WNT3: variants seen among roughly 807,000 people sequenced by gnomAD.
WNT3 encodes Wnt family member 3.
A neutral mutation model predicts 34.2 loss-of-function variants in WNT3; 7 were observed. The ratio of observed to expected loss-of-function variants is 0.20; its 90% confidence interval spans 0.12 to 0.38. WNT3 has a LOEUF of 0.38. Ranked by LOEUF, WNT3 falls within the 10% of genes least tolerant of loss-of-function variation. WNT3 has a pLI of 1.00. For synonymous variants in WNT3, 212 were observed against 211.5 expected (o/e 1.00, Z -0.02); for missense variants, 267 against 499.8 (o/e 0.53, Z 4.44).
At chr17:46,779,103 A>ACACACACACACACACACCCCCC (rs749719578) in intron 1 of WNT3, among the ~76,000 whole-genome samples, 10 of 133,588 alleles carry the variant, frequency 7.5e-5, no homozygotes, top group East Asian at 5.1e-4. Flanking sequence ...ACACACACAC[A>ACACACACACACACACACCCCCC]CCCCAGCCCA....
At chr17:46,809,937 C>G (rs1034430132) in intron 1 of WNT3, among the ~76,000 whole-genome samples, 1 of 151,620 alleles carries the variant, frequency 6.6e-6, no homozygotes, top group African/African-American at 2.4e-5. Flanking sequence ...CAGGGGGGCT[C>G]TTAGGTCCAT....
At chr17:46,784,984 A>T (rs572230954) in intron 1 of WNT3, among the ~76,000 whole-genome samples, 2 of 151,962 alleles carry the variant, frequency 1.3e-5, no homozygotes, top group Non-Finnish European at 2.9e-5. Context: ...TCACTGTGTT[A>T]GCCAGGATGG....
chr17:46,817,381 C>CCCG (rs1263819927), intron 1 of WNT3, among the ~76,000 whole-genome samples: 13 of 152,090 alleles, frequency 8.5e-5, no homozygotes, highest in African/African-American at 3.1e-4. Flanking sequence ...TCCCCCCGCC[C>CCCG]AGGCCAAGGC....
At chr17:46,794,864 C>A (rs2084033587) in intron 1 of WNT3, among the ~76,000 whole-genome samples, 1 of 151,736 alleles carries the variant, frequency 6.6e-6, no homozygotes, top group African/African-American at 2.4e-5. Flanking sequence ...GATTCTCGTG[C>A]CTCAGCCTTC....
intron 4 of WNT3, among the ~76,000 whole-genome samples, chr17:46,766,333 AG>A (rs1177251129): frequency 1.3e-5 from 2 of 151,784 alleles, no homozygotes; most frequent in Non-Finnish European, 2.9e-5. Context: ...GCTTGAACCC[AG>A]GTGGCGGAGG....
intron 1 of WNT3, among the ~76,000 whole-genome samples, chr17:46,790,685 T>C (rs1226007523): frequency 6.6e-6 from 1 of 152,044 alleles, no homozygotes; most frequent in Non-Finnish European, 1.5e-5. Context: ...TCCCCCATCA[T>C]CTCTCTCCTT....
At chr17:46,769,230 T>C (rs2059340983) in intron 3 of WNT3, among the ~76,000 whole-genome samples, 2 of 149,854 alleles carry the variant, frequency 1.3e-5, no homozygotes, top group African/African-American at 5.0e-5. Context: ...GCCGGAGAAT[T>C]GCTTGAACTC....
Position 46,773,913 on chromosome 17 carries a change from CA to C in WNT3, c.81-5del. 1 of 1,611,016 alleles carries C rather than the reference CA, an allele frequency of 6.2e-7. No individual in the cohort carries two copies. The highest frequency in any genetic ancestry group is 8.5e-7 in the Non-Finnish European group (1 of 1,179,730). ...CTGCTGGCCCAGGGCCAGGGACCTGCAGGCAGACAGAGGGTAGTAACACTGT... is the reference window on the plus strand; with the variant it reads ...CTGCTGGCCCAGGGCCAGGGACCTGCGGCAGACAGAGGGTAGTAACACTGT... On this transcript the variant is annotated splice_region_variant and splice_polypyrimidine_tract_variant and intron_variant, in intron 1 of 4. Transcript: ENST00000225512.
intron 1 of WNT3, among the ~76,000 whole-genome samples, chr17:46,788,112 C>A (rs368031340): frequency 6.6e-6 from 1 of 152,084 alleles, no homozygotes; most frequent in African/African-American, 2.4e-5. Context: ...CAAAGAAGTC[C>A]CCTTCAAAGA....
intron 3 of WNT3, among the ~76,000 whole-genome samples, chr17:46,769,301 G>A (rs1379343654): frequency 1.4e-5 from 2 of 139,456 alleles, no homozygotes; most frequent in African/African-American, 2.7e-5. Flanking sequence ...GGGCGACTGA[G>A]CGAGACTCCG....
chr17:46,812,398 C>T (rs916384700), intron 1 of WNT3, among the ~76,000 whole-genome samples: 4 of 152,116 alleles, frequency 2.6e-5, no homozygotes, highest in African/African-American at 9.7e-5. Context: ...TTCTGCCTTC[C>T]GACTATAAAT....
intron 1 of WNT3, among the ~76,000 whole-genome samples, chr17:46,783,308 T>C (rs1380034302): frequency 6.6e-6 from 1 of 152,134 alleles, no homozygotes; most frequent in African/African-American, 2.4e-5. Context: ...GGCCTGGTGA[T>C]TTGTGGAGTC....
chr17:46,818,341 G>C (rs1019261654), intron 1 of WNT3, among the ~76,000 whole-genome samples, 177 bp downstream of exon 1: 1 of 143,164 alleles, frequency 7.0e-6, no homozygotes, highest in African/African-American at 2.6e-5. Context: ...GGAGCCAGGA[G>C]TTGGATTCTG....
chr17:46,768,875 C>A lies in WNT3; in HGVS notation c.589-76G>T. 1 of 1,563,828 alleles carries A rather than the reference C, an allele frequency of 6.4e-7. No homozygotes were observed. Among genetic ancestry groups the A allele is most frequent in the Non-Finnish European group, 8.6e-7 (1 of 1,158,750 alleles). ...ACATCCAGGCCTTCCCTCTCTGCCA[C>A]TGCCCACCCCCTTCCCTCCAGCCTT... On this transcript the variant is annotated intron_variant, in intron 3 of 4. Coordinates refer to ENST00000225512, the MANE Select transcript of WNT3 (RefSeq NM_030753.5). This position sits in a 1 kb window ranked among gnomAD's most constrained non-coding sequence, Gnocchi z 5.0.
chr17:46,774,350 A>G (rs1015010524), intron 1 of WNT3, among the ~76,000 whole-genome samples: 3 of 152,102 alleles, frequency 2.0e-5, no homozygotes, highest in East Asian at 3.9e-4. Flanking sequence ...CTCATGGGAC[A>G]CGCGCGCGCG....
chr17:46,776,720 C>T (rs1040062261), intron 1 of WNT3, among the ~76,000 whole-genome samples: 2 of 152,140 alleles, frequency 1.3e-5, no homozygotes, highest in African/African-American at 2.4e-5. Flanking sequence ...CTTGCACCAT[C>T]CTAGATGGGC....
At chr17:46,808,084 G>A (rs2084220694) in intron 1 of WNT3, among the ~76,000 whole-genome samples, 1 of 152,200 alleles carries the variant, frequency 6.6e-6, no homozygotes, top group South Asian at 2.1e-4. Context: ...TAAGTAGAAG[G>A]AAAGAGCTTA....
intron 2 of WNT3, 21 bp downstream of exon 2, chr17:46,773,647 C>T (rs567033120): frequency 1.9e-5 from 28 of 1,487,928 alleles, no homozygotes; most frequent in African/African-American, 4.3e-5. Flanking sequence ...CCCTCCCCCC[C>T]CCTCAGCCCC....
At chr17:46,816,489 A>G (rs867952922) in intron 1 of WNT3, among the ~76,000 whole-genome samples, 1,669 of 126,008 alleles carry the variant, frequency 0.013, 11 homozygotes, top group Middle Eastern at 0.056. Flanking sequence ...ACACACACAC[A>G]CACACACACA....
Sources: gnomAD v4.1 joint callset for allele counts (sites outside exome capture counted in the v4.1 genomes callset) on GRCh38, gnomAD v4.1.1 for gene constraint, Gnocchi (gnomAD v3.1) non-coding constraint, MANE v1.5 for transcripts, NCBI Gene and HGNC (gene_info 2026-07-23, HGNC 2026-07-21) for gene names.